Variants in TLCD4 observed in about 807,000 individuals in gnomAD.
TLCD4 encodes the protein TLC domain containing 4, also known as TLC domain-containing protein 4.
In TLCD4, 7 loss-of-function variants were observed where a neutral mutation model predicts 24.2. The observed-to-expected ratio is 0.29, with a 90% CI of 0.16 to 0.54. The LOEUF is 0.54. Ranked by LOEUF, TLCD4 falls within the 20% of genes least tolerant of loss-of-function variation. TLCD4 has a pLI of 0.95. For synonymous variants in TLCD4, 103 were observed against 106.4 expected, an observed-to-expected ratio of 0.97 and a Z score of 0.20; for missense variants, 259 against 313.9, an observed-to-expected ratio of 0.82 and a Z score of 1.32.
chr1:95,164,816 A>C (rs1255300976), intron 5 of TLCD4: 1 of 152,218 alleles, frequency 6.6e-6, no homozygotes, highest in Non-Finnish European at 1.5e-5. Flanking sequence ...TACACATAGA[A>C]AATCAGTAAA....
upstream of TLCD4, among the ~76,000 whole-genome samples, chr1:95,115,670 A>T (rs1320339497): frequency 6.6e-6 from 1 of 152,196 alleles, no homozygotes; most frequent in Admixed American, 6.5e-5. Context: ...ATATAGTGGG[A>T]CATAGAGTAT....
At chr1:95,146,349 T>C (rs11165320) in intron 2 of TLCD4, among the ~76,000 whole-genome samples, 150,179 of 152,244 alleles carry the variant, frequency 0.99, 74,101 homozygotes, top group East Asian at 1. Flanking sequence ...CCTATCACAT[T>C]GAAAGTCTTA....
rs1274903687 is a variant in TLCD4 at position 95,194,135 on chromosome 1, A to G, written c.*2267A>G. 1 of 152,072 alleles carries G rather than the reference A, an allele frequency of 6.6e-6. No homozygotes were observed. Among genetic ancestry groups the G allele is most frequent in the Non-Finnish European group, 1.5e-5 (1 of 67,958 alleles). 9.4% of individuals were successfully genotyped at this position (152,072 alleles called of 1,614,324 possible). Reference sequence around the variant, plus strand: ...CTTACTTTCATTAATGTTACCCTTCACTGGTATAGCCACTCACTAAATAAG... The same window carrying G: ...CTTACTTTCATTAATGTTACCCTTCGCTGGTATAGCCACTCACTAAATAAG... On this transcript the variant is annotated 3_prime_UTR_variant, in exon 7 of 7. Transcript: ENST00000370203.
chr1:95,178,346 A>G lies in TLCD4; in HGVS notation c.473+4457A>G, dbSNP rs371424830. On this transcript the variant is annotated intron_variant, in intron 6 of 6. Transcript: ENST00000370203. ...GTGATCTTGGCTCACTGCAACCCCA[A>G]CCTCCCAGGTTCAAACGGTTCTCCT... 4.6e-5 allele frequency among the ~76,000 whole-genome samples: 7 copies of G among 151,618 alleles called. No homozygotes were observed. The East Asian group carries it at 5.8e-4, about 13-fold the overall frequency.
intron 1 of TLCD4, among the ~76,000 whole-genome samples, chr1:95,132,469 A>G (rs1294350749): frequency 6.6e-6 from 1 of 151,848 alleles, no homozygotes; most frequent in East Asian, 1.9e-4. Context: ...AAAAAAAAAA[A>G]AAAAAAAAAG....
At chr1:95,151,541 G>C (rs1238488376) in intron 5 of TLCD4, 122 bp downstream of exon 5, 9 of 1,152,392 alleles carry the variant, frequency 7.8e-6, no homozygotes, top group Admixed American at 2.7e-5. Flanking sequence ...GATGCATTCA[G>C]GGATTGCTTT....
At chr1:95,178,207 A>G (rs1265727336) in intron 6 of TLCD4, among the ~76,000 whole-genome samples, 5 of 151,944 alleles carry the variant, frequency 3.3e-5, no homozygotes, top group Admixed American at 2.6e-4. Flanking sequence ...TCGGCCTCCC[A>G]AAGTGCTAGG....
chr1:95,143,465 C>T (rs1677260687), intron 1 of TLCD4, among the ~76,000 whole-genome samples: 1 of 151,938 alleles, frequency 6.6e-6, no homozygotes, highest in Non-Finnish European at 1.5e-5. Context: ...TGGTTTTTGG[C>T]TTGATTGTTT....
At chr1:95,104,818 A>T in the TLCD4 span, among the ~76,000 whole-genome samples, 1 of 151,998 alleles carries the variant, frequency 6.6e-6, no homozygotes, top group Non-Finnish European at 1.5e-5. Context: ...TCTTGAGCTC[A>T]GAAGTTCAAG....
At chr1:95,123,070 A>G (rs773769823) in intron 1 of TLCD4, among the ~76,000 whole-genome samples, 8 of 152,124 alleles carry the variant, frequency 5.3e-5, no homozygotes, top group Non-Finnish European at 1.0e-4. Flanking sequence ...TGGTATCCCA[A>G]AGTGCTGGGA....
chr1:95,133,988 T>C (rs1012883685), intron 1 of TLCD4, among the ~76,000 whole-genome samples: 1 of 151,694 alleles, frequency 6.6e-6, no homozygotes, highest in African/African-American at 2.4e-5. Context: ...AGAATAGGGC[T>C]AATGGGTTGG....
At chr1:95,175,800 G>A (rs990080812) in intron 6 of TLCD4, among the ~76,000 whole-genome samples, 1 of 151,002 alleles carries the variant, frequency 6.6e-6, no homozygotes, top group Non-Finnish European at 1.5e-5. Context: ...TTTGGATACA[G>A]GGTCTCACTC....
upstream of TLCD4, among the ~76,000 whole-genome samples, chr1:95,113,043 CTTTTTTT>C (rs1054737210): frequency 3.7e-5 from 5 of 136,722 alleles, no homozygotes; most frequent in African/African-American, 1.1e-4. Context: ...TCTTTTCTTT[CTTTTTTT>C]TTTTTTTTTT....
At position 95,139,024 on chromosome 1, in the gene TLCD4, CA is replaced by C. The variant is rs1181312045; in HGVS notation, c.-11-4847del. On this transcript the variant is annotated intron_variant, in intron 1 of 6. Coordinates refer to ENST00000370203, the MANE Select transcript of TLCD4 (RefSeq NM_152487.3). ...GCAACATAGTGAGACCCAGTCTCTA[CA>C]AAAAAAAAAAAAAAAAAAATGAGCT... Among the ~76,000 whole-genome samples the C allele has an allele frequency of 7.4e-3, 422 of 56,864 alleles. 1 individual carries two copies. The highest frequency in any genetic ancestry group is 0.021 in the African/African-American group (329 of 15,634). 37.3% of individuals were successfully genotyped at this position (56,864 alleles called of 152,430 possible). A position where few individuals can be genotyped will look rare whatever the true frequency, so the allele number is the denominator to read the frequency against.
intron 1 of TLCD4, among the ~76,000 whole-genome samples, chr1:95,120,608 A>C (rs1676543609): frequency 6.6e-6 from 1 of 152,238 alleles, no homozygotes; most frequent in African/African-American, 2.4e-5. Context: ...GACACGTGGA[A>C]GGCTGTTCAG....
At chr1:95,184,470 A>G (rs921515239) in intron 6 of TLCD4, among the ~76,000 whole-genome samples, 1 of 152,120 alleles carries the variant, frequency 6.6e-6, no homozygotes, top group Non-Finnish European at 1.5e-5. Flanking sequence ...ATTTTTAGTG[A>G]GTACGATACC....
At chr1:95,136,081 C>G (rs1194198126) in intron 1 of TLCD4, among the ~76,000 whole-genome samples, 1 of 151,758 alleles carries the variant, frequency 6.6e-6, no homozygotes, top group Non-Finnish European at 1.5e-5. Flanking sequence ...TGTTCCCAAG[C>G]TAACATTACT....
upstream of TLCD4, among the ~76,000 whole-genome samples, chr1:95,115,856 G>A (rs1363516760): frequency 6.6e-6 from 1 of 152,184 alleles, no homozygotes; most frequent in Non-Finnish European, 1.5e-5. Flanking sequence ...CTCTTGAGAG[G>A]ACACTGTGAA....
chr1:95,127,878 C>T (rs933663263), intron 1 of TLCD4, among the ~76,000 whole-genome samples: 1 of 152,208 alleles, frequency 6.6e-6, no homozygotes, highest in Non-Finnish European at 1.5e-5. Context: ...TTACTATTGT[C>T]TCCTGGCTGA....
Sources: gnomAD v4.1 joint callset for allele counts (sites outside exome capture counted in the v4.1 genomes callset) on GRCh38, gnomAD v4.1.1 for gene constraint, MANE v1.5 for transcripts, NCBI Gene and HGNC (gene_info 2026-07-23, HGNC 2026-07-21) for gene names.